The following KLHL1 variants were observed in gnomAD, a reference collection of about 807,000 sequenced individuals.
The protein encoded by KLHL1 is kelch like family member 1.
Under a neutral mutation model 77.7 loss-of-function variants are expected in KLHL1, and 47 were observed. That is an observed-to-expected ratio of 0.60 (90% CI 0.48 to 0.77). The LOEUF (loss-of-function observed/expected upper bound fraction) is 0.77. Among genes scored for constraint, KLHL1 ranks in the 30% least tolerant of loss-of-function variants. KLHL1 has a pLI of 0.00. For missense variants in KLHL1, 925 were observed against 910.8 expected (o/e 1.02, Z -0.20); for synonymous variants, 360 against 325.2 (o/e 1.11, Z -1.15).
chr13:70,050,821 A>G (rs778833034), intron 1 of KLHL1, among the ~76,000 whole-genome samples: 1 of 152,012 alleles, frequency 6.6e-6, no homozygotes, highest in Non-Finnish European at 1.5e-5. Context: ...TTAACACTTG[A>G]GTGACACTTT....
At chr13:69,871,576 G>A (rs1880587723) in intron 5 of KLHL1, among the ~76,000 whole-genome samples, 1 of 151,778 alleles carries the variant, frequency 6.6e-6, no homozygotes, top group South Asian at 2.1e-4. Flanking sequence ...TCATTCCTTG[G>A]CTGCTGATAT....
chr13:69,943,326 A>G (rs1285934403), intron 3 of KLHL1, among the ~76,000 whole-genome samples: 6 of 152,092 alleles, frequency 3.9e-5, no homozygotes. Flanking sequence ...TAGATAAAAA[A>G]GACTATTATA....
intron 1 of KLHL1, among the ~76,000 whole-genome samples, chr13:70,061,275 AG>A (rs1261417921): frequency 6.6e-6 from 1 of 152,166 alleles, no homozygotes; most frequent in Admixed American, 6.5e-5. Flanking sequence ...GTAGCTACAC[AG>A]GACTCACAAT....
intron 1 of KLHL1, among the ~76,000 whole-genome samples, chr13:70,033,350 C>A (rs990777119): frequency 6.6e-6 from 1 of 151,998 alleles, no homozygotes; most frequent in African/African-American, 2.4e-5. Flanking sequence ...AGGGCAGTGG[C>A]GCGCTCTCGG....
chr13:69,794,542 C>T (rs1877017924), intron 7 of KLHL1, among the ~76,000 whole-genome samples: 1 of 145,308 alleles, frequency 6.9e-6, no homozygotes, highest in African/African-American at 2.6e-5. Flanking sequence ...GGATGAACAA[C>T]AGAGAAAGAG....
At chr13:69,810,366 C>T (rs1034464653) in intron 6 of KLHL1, among the ~76,000 whole-genome samples, 2 of 151,936 alleles carry the variant, frequency 1.3e-5, no homozygotes, top group African/African-American at 2.4e-5. Flanking sequence ...GGAATAAAAA[C>T]AGACATAAAC....
At chr13:69,713,221 T>C (rs1020565915) in intron 9 of KLHL1, among the ~76,000 whole-genome samples, 35 of 152,324 alleles carry the variant, frequency 2.3e-4, no homozygotes, top group African/African-American at 7.5e-4. Context: ...TTATTCGATA[T>C]TTATCACATA....
chr13:69,841,852 T>C (rs1056835122), intron 5 of KLHL1, among the ~76,000 whole-genome samples: 13 of 151,932 alleles, frequency 8.6e-5, no homozygotes, highest in Admixed American at 4.6e-4. Context: ...TATAGGCCAA[T>C]GGAACAGAAT....
intron 1 of KLHL1, among the ~76,000 whole-genome samples, chr13:69,998,030 C>T (rs1719254350): frequency 6.6e-6 from 1 of 151,784 alleles, no homozygotes; most frequent in African/African-American, 2.4e-5. Context: ...AACTGCAATA[C>T]TGTTTTCTAT....
intron 8 of KLHL1, among the ~76,000 whole-genome samples, chr13:69,729,564 G>T (rs1873451050): frequency 6.6e-6 from 1 of 152,084 alleles, no homozygotes; most frequent in Non-Finnish European, 1.5e-5. Flanking sequence ...ACAAAAAAAT[G>T]TAAGAGGGTG....
chr13:70,015,404 A>C (rs1291242134), intron 1 of KLHL1, among the ~76,000 whole-genome samples: 4 of 152,154 alleles, frequency 2.6e-5, no homozygotes, highest in Admixed American at 1.3e-4. Context: ...ACCATCACCT[A>C]TGAGGTCTGT....
At chr13:69,899,432 A>G (rs575329520) in intron 4 of KLHL1, among the ~76,000 whole-genome samples, 5 of 152,314 alleles carry the variant, frequency 3.3e-5, no homozygotes, top group Admixed American at 3.3e-4. Context: ...TAAGAAGTAC[A>G]TGCCTATTCT....
At chr13:69,728,930 C>T (rs973699143) in intron 8 of KLHL1, among the ~76,000 whole-genome samples, 5 of 152,042 alleles carry the variant, frequency 3.3e-5, no homozygotes, top group African/African-American at 1.2e-4. Flanking sequence ...GGTGGTACTA[C>T]ATATTTATTA....
chr13:69,765,083 CTGGGATTGTAGGCA>C (rs1345111593), intron 7 of KLHL1, among the ~76,000 whole-genome samples: 7 of 151,330 alleles, frequency 4.6e-5, no homozygotes, highest in Non-Finnish European at 4.4e-5. Context: ...TCCTGAGTAC[CTGGGATTGTAGGCA>C]TGTGCCACCA....
intron 1 of KLHL1, among the ~76,000 whole-genome samples, chr13:70,050,695 A>T (rs1217875937): frequency 1.3e-5 from 2 of 152,026 alleles, no homozygotes; most frequent in African/African-American, 4.8e-5. Context: ...GCATTCAAAA[A>T]ATATTTTAAT....
chr13:70,065,856 A>G (rs1041004993), intron 1 of KLHL1, among the ~76,000 whole-genome samples: 1 of 152,068 alleles, frequency 6.6e-6, no homozygotes, highest in South Asian at 2.1e-4. Flanking sequence ...TTTACCACTA[A>G]TATTCATTAC....
chr13:69,990,258 C>A (rs879680597), intron 1 of KLHL1, among the ~76,000 whole-genome samples: 3 of 151,974 alleles, frequency 2.0e-5, no homozygotes, highest in Non-Finnish European at 4.4e-5. Flanking sequence ...AGCAACTACA[C>A]AGGCAAGTCT....
At chr13:69,937,121 T>C (rs1410429808) in intron 4 of KLHL1, among the ~76,000 whole-genome samples, 1 of 152,074 alleles carries the variant, frequency 6.6e-6, no homozygotes, top group Non-Finnish European at 1.5e-5. Context: ...TGGAGGGAAG[T>C]AGCAATGATG....
intron 7 of KLHL1, among the ~76,000 whole-genome samples, chr13:69,770,062 A>C (rs865929239): frequency 1.8e-4 from 28 of 152,020 alleles, no homozygotes; most frequent in African/African-American, 6.8e-4. Context: ...ATGAGATAGA[A>C]TTTTCAAACT....
Sources: gnomAD v4.1 joint callset for allele counts (sites outside exome capture counted in the v4.1 genomes callset) on GRCh38, gnomAD v4.1.1 for gene constraint, MANE v1.5 for transcripts, NCBI Gene and HGNC (gene_info 2026-07-23, HGNC 2026-07-21) for gene names.